The following LUZP2 variants were observed in gnomAD, a reference collection of about 807,000 sequenced individuals.
LUZP2 encodes leucine zipper protein 2.
Under a neutral mutation model 51.6 loss-of-function variants are expected in LUZP2, and 52 were observed. The ratio of observed to expected loss-of-function variants is 1.01; its 90% CI spans 0.81 to 1.27. The LOEUF (loss-of-function observed/expected upper bound fraction) is 1.27, where lower values mean the gene tolerates loss of function less well. Among genes scored for constraint, LUZP2 ranks in the 50% most tolerant of loss-of-function variants. LUZP2 has a pLI of 0.00. For synonymous variants in LUZP2, 154 were observed against 137.3 expected (o/e 1.12, Z -0.85); for missense variants, 436 against 395.4 (o/e 1.10, Z -0.87).
chr11:24,502,454 G>C (rs1448170813), intron 1 of LUZP2, among the ~76,000 whole-genome samples: 2 of 151,964 alleles, frequency 1.3e-5, no homozygotes, highest in Non-Finnish European at 2.9e-5. Context: ...GTGCCATCTC[G>C]GCTCCCTGCA....
chr11:24,675,888 G>A (rs12364077), intron 1 of LUZP2, among the ~76,000 whole-genome samples: 29,299 of 151,084 alleles, frequency 0.19, 3,196 homozygotes, highest in Admixed American at 0.27. Flanking sequence ...GTGCGATCTC[G>A]GCTCACTGCA....
intron 7 of LUZP2, among the ~76,000 whole-genome samples, chr11:24,975,596 T>G (rs949886092): frequency 5.9e-5 from 9 of 152,066 alleles, no homozygotes; most frequent in African/African-American, 2.2e-4. Flanking sequence ...GCTATATGTA[T>G]ACAGATAATG....
At chr11:24,713,688 T>G (rs1380536241) in intron 1 of LUZP2, among the ~76,000 whole-genome samples, 4 of 141,312 alleles carry the variant, frequency 2.8e-5, no homozygotes, top group African/African-American at 8.0e-5. Flanking sequence ...AATCTGTTTT[T>G]TTTTTTTTTT....
intron 1 of LUZP2, among the ~76,000 whole-genome samples, chr11:24,720,975 G>C (rs1003231211): frequency 6.6e-6 from 1 of 152,142 alleles, no homozygotes; most frequent in African/African-American, 2.4e-5. Context: ...GCGTGAGCCA[G>C]ACCTGTTCTC....
chr11:24,985,708 T>C (rs1341968047), intron 9 of LUZP2, among the ~76,000 whole-genome samples: 1 of 151,736 alleles, frequency 6.6e-6, no homozygotes, highest in Non-Finnish European at 1.5e-5. Flanking sequence ...GAGGAGGTTT[T>C]AAAAGGGAAG....
chr11:24,776,511 A>G (rs933446958), intron 5 of LUZP2, among the ~76,000 whole-genome samples: 1 of 152,162 alleles, frequency 6.6e-6, no homozygotes, highest in Non-Finnish European at 1.5e-5. Context: ...TATCCAGAAA[A>G]CTATCAAATA....
chr11:24,633,956 G>GTA lies in LUZP2; in HGVS notation c.63-95212_63-95211insAT, dbSNP rs1448184219. Among the ~76,000 whole-genome samples the GTA allele has an allele frequency of 1.1e-3, 124 of 114,682 alleles. 1 individual carries two copies. The highest frequency in any genetic ancestry group is 4.1e-3 in the African/African-American group (116 of 28,364). 75.2% of individuals were successfully genotyped at this position (114,682 alleles called of 152,430 possible). A position where few individuals can be genotyped will look rare whatever the true frequency, so the allele number is the denominator to read the frequency against. On this transcript the variant is annotated intron_variant, in intron 1 of 11. Transcript: ENST00000336930. ...CTAACACACGTGTGTGTGTGTGTGT[G>GTA]TGTGTGTGTATATATAGTCTGTCTA...
At chr11:24,604,471 CT>C (rs1339273129) in intron 1 of LUZP2, among the ~76,000 whole-genome samples, 2 of 151,732 alleles carry the variant, frequency 1.3e-5, no homozygotes, top group African/African-American at 2.4e-5. Context: ...CACCGTTTAG[CT>C]TTCTTTCCTA....
chr11:24,779,129 T>A (rs1849020078), intron 5 of LUZP2, among the ~76,000 whole-genome samples: 1 of 152,188 alleles, frequency 6.6e-6, no homozygotes, highest in African/African-American at 2.4e-5. Context: ...GAAAGTTTCA[T>A]CATTGCACCT....
intron 7 of LUZP2, among the ~76,000 whole-genome samples, chr11:24,935,622 C>T (rs1023293858): frequency 3.9e-5 from 6 of 151,938 alleles, no homozygotes; most frequent in African/African-American, 1.4e-4. Context: ...AAATATAAAA[C>T]AGTTATGGTA....
chr11:24,693,590 C>G (rs1857146651), intron 1 of LUZP2, among the ~76,000 whole-genome samples: 1 of 151,844 alleles, frequency 6.6e-6, no homozygotes, highest in Admixed American at 6.6e-5. Flanking sequence ...ACAAGGAAAA[C>G]TAGAGATCTT....
chr11:24,976,229 C>T (rs1035803662), intron 7 of LUZP2, among the ~76,000 whole-genome samples: 5 of 151,830 alleles, frequency 3.3e-5, no homozygotes, highest in African/African-American at 4.8e-5. Context: ...AGGCCTTCAA[C>T]GTATAAATTT....
chr11:24,833,407 T>A (rs1475876854), intron 5 of LUZP2, among the ~76,000 whole-genome samples: 1 of 132,014 alleles, frequency 7.6e-6, no homozygotes, highest in Admixed American at 7.7e-5. Context: ...AGTGTTATTG[T>A]TTGTTGGAAA....
chr11:24,923,746 C>G (rs1260491273), intron 7 of LUZP2, among the ~76,000 whole-genome samples: 1 of 152,008 alleles, frequency 6.6e-6, no homozygotes, highest in Non-Finnish European at 1.5e-5. Context: ...CAAGATAATT[C>G]CTTGTGGGCC....
chr11:24,564,122 G>T (rs1410782346), intron 1 of LUZP2, among the ~76,000 whole-genome samples: 1 of 151,990 alleles, frequency 6.6e-6, no homozygotes, highest in East Asian at 1.9e-4. Context: ...AAAGTGTGTG[G>T]GCTTCATGTT....
At chr11:24,622,336 T>C (rs991053181) in intron 1 of LUZP2, among the ~76,000 whole-genome samples, 1 of 151,696 alleles carries the variant, frequency 6.6e-6, no homozygotes, top group African/African-American at 2.4e-5. Context: ...TGTCCATGTG[T>C]TCTCATTGTT....
At chr11:24,566,599 T>C (rs1479048578) in intron 1 of LUZP2, among the ~76,000 whole-genome samples, 1 of 128,006 alleles carries the variant, frequency 7.8e-6, no homozygotes, top group African/African-American at 3.1e-5. Context: ...TGTGTGTATA[T>C]ATATATGTAT....
At chr11:24,772,490 A>G (rs10834482) in intron 5 of LUZP2, among the ~76,000 whole-genome samples, 12,216 of 152,200 alleles carry the variant, frequency 0.08, 1,068 homozygotes, top group African/African-American at 0.22. Flanking sequence ...ATATTTAATT[A>G]TAACTTTCTT....
At chr11:24,572,065 G>T (rs1448169447) in intron 1 of LUZP2, among the ~76,000 whole-genome samples, 2 of 151,842 alleles carry the variant, frequency 1.3e-5, no homozygotes, top group African/African-American at 4.8e-5. Flanking sequence ...ATAATCATTG[G>T]ATGAAATAAA....
Sources: gnomAD v4.1 joint callset for allele counts (sites outside exome capture counted in the v4.1 genomes callset) on GRCh38, gnomAD v4.1.1 for gene constraint, MANE v1.5 for transcripts, NCBI Gene and HGNC (gene_info 2026-07-23, HGNC 2026-07-21) for gene names.